Variants in ELP4 observed in about 807,000 individuals in gnomAD.
The protein encoded by ELP4 is elongator acetyltransferase complex subunit 4, also known as elongator complex protein 4.
In ELP4, 51 loss-of-function variants were observed where a neutral mutation model predicts 48.9. The observed-to-expected ratio is 1.04, with a 90% confidence interval of 0.83 to 1.32. The LOEUF is 1.32. ELP4 is among the 40% of genes most tolerant of loss of function. ELP4 has a pLI of 0.00. For missense variants in ELP4, 519 were observed against 514.6 expected (o/e 1.01, Z -0.08); for synonymous variants, 210 against 189.2 (o/e 1.11, Z -0.90).
intron 3 of ELP4, among the ~76,000 whole-genome samples, chr11:31,548,773 G>C (rs1473855629): frequency 6.3e-4 from 94 of 149,970 alleles, no homozygotes; most frequent in African/African-American, 2.3e-3. Flanking sequence ...GCATGGTACT[G>C]GTACCAAAAC....
chr11:31,513,379 CA>C (rs1269255720), intron 1 of ELP4, among the ~76,000 whole-genome samples: 1 of 152,014 alleles, frequency 6.6e-6, no homozygotes, highest in East Asian at 1.9e-4. Flanking sequence ...GAGTTGTTAT[CA>C]AAATAACTGC....
intron 5 of ELP4, among the ~76,000 whole-genome samples, chr11:31,623,354 AATAT>A (rs779632233): frequency 4.3e-4 from 4 of 9,242 alleles, no homozygotes; most frequent in African/African-American, 6.1e-4. Context: ...ATTTTCAGCA[AATAT>A]ATATATATAT....
intron 5 of ELP4, among the ~76,000 whole-genome samples, chr11:31,608,872 T>C (rs1262421687): frequency 2.6e-5 from 4 of 152,060 alleles, no homozygotes; most frequent in Non-Finnish European, 5.9e-5. Flanking sequence ...TGCTATCGAT[T>C]AGAAAAGAGA....
intron 3 of ELP4, among the ~76,000 whole-genome samples, chr11:31,568,900 C>T (rs560359883): frequency 6.6e-6 from 1 of 151,986 alleles, no homozygotes; most frequent in South Asian, 2.1e-4. Flanking sequence ...GCCTGGCCAA[C>T]ATGGTGAAAC....
intron 7 of ELP4, among the ~76,000 whole-genome samples, chr11:31,636,587 A>G (rs1243661120): frequency 6.6e-6 from 1 of 152,040 alleles, no homozygotes; most frequent in Admixed American, 6.6e-5. Context: ...TTGCAAAGAG[A>G]GGGAAAAGTT....
chr11:31,580,471 T>G (rs1161025248), intron 3 of ELP4, among the ~76,000 whole-genome samples: 3 of 152,188 alleles, frequency 2.0e-5, no homozygotes, highest in Non-Finnish European at 4.4e-5. Flanking sequence ...ATTTGACTTC[T>G]TATTTCTGTA....
intron 9 of ELP4, among the ~76,000 whole-genome samples, chr11:31,661,769 A>G (rs12419890): frequency 0.04 from 6,142 of 152,162 alleles, 341 homozygotes; most frequent in African/African-American, 0.1. Flanking sequence ...TTACGTAAGT[A>G]AAACAACCTT....
intron 9 of ELP4, among the ~76,000 whole-genome samples, chr11:31,745,792 A>G (rs1229055003): frequency 6.6e-6 from 1 of 152,238 alleles, no homozygotes; most frequent in Non-Finnish European, 1.5e-5. Context: ...AAAACCCTAG[A>G]AGAAAACCTA....
chr11:31,624,085 AC>A (rs899042272), intron 5 of ELP4, among the ~76,000 whole-genome samples: 3 of 151,910 alleles, frequency 2.0e-5, no homozygotes, highest in African/African-American at 7.2e-5. Flanking sequence ...ACAAAAAGGA[AC>A]CCTTGTATAC....
chr11:31,734,103 G>C (rs1038248879), intron 9 of ELP4, among the ~76,000 whole-genome samples: 2 of 152,206 alleles, frequency 1.3e-5, no homozygotes, highest in African/African-American at 4.8e-5. Flanking sequence ...TTAACAGATT[G>C]AGGGATGAAA....
rs754370657 is a variant in ELP4 at position 31,789,674 on chromosome 11, C to T, written c.*6150C>T. On this transcript the variant is annotated 3_prime_UTR_variant, in exon 10 of 10. Transcript: ENST00000640961. ...ATTATAACATACAAATGCCCATTTA[C>T]AAATAATACACCAAAATGAATAAAA... is the stretch of plus-strand genomic sequence containing the variant. 100 of 701,400 alleles carry T rather than the reference C, an allele frequency of 1.4e-4. 1 individual carries two copies. The South Asian group carries it at 1.5e-3, about 10-fold the overall frequency. 43.4% of individuals were successfully genotyped at this position (701,400 alleles called of 1,614,324 possible). A position where few individuals can be genotyped will look rare whatever the true frequency, so the allele number is the denominator to read the frequency against.
At chr11:31,605,843 T>C (rs1363805257) in intron 5 of ELP4, among the ~76,000 whole-genome samples, 2 of 152,136 alleles carry the variant, frequency 1.3e-5, no homozygotes, top group Non-Finnish European at 1.5e-5. Flanking sequence ...TTGTAAGCAA[T>C]TTCAGGTTAG....
At chr11:31,570,696 A>G (rs1165889343) in intron 3 of ELP4, among the ~76,000 whole-genome samples, 1 of 150,306 alleles carries the variant, frequency 6.7e-6, no homozygotes, top group East Asian at 2.0e-4. Context: ...CTGGTCTCGA[A>G]CTCCTGACCT....
At chr11:31,743,970 C>G (rs1457979620) in intron 9 of ELP4, among the ~76,000 whole-genome samples, 2 of 151,888 alleles carry the variant, frequency 1.3e-5, no homozygotes, top group African/African-American at 2.4e-5. Context: ...TTTTGAAAAG[C>G]TCAACAAAAT....
intron 9 of ELP4, among the ~76,000 whole-genome samples, chr11:31,759,711 C>CTTTTTT (rs371425015): frequency 7.0e-6 from 1 of 143,304 alleles, no homozygotes. Flanking sequence ...TTTCTTTTTT[C>CTTTTTT]TTTTTTTTTT....
intron 6 of ELP4, among the ~76,000 whole-genome samples, chr11:31,627,756 G>A (rs574694899): frequency 6.6e-6 from 1 of 152,130 alleles, no homozygotes; most frequent in East Asian, 1.9e-4. Context: ...AACAAAGTGA[G>A]GAAGATTTTA....
chr11:31,564,836 CAT>C (rs1240117070), intron 3 of ELP4, among the ~76,000 whole-genome samples: 9 of 151,992 alleles, frequency 5.9e-5, no homozygotes, highest in Admixed American at 4.6e-4. Flanking sequence ...CCACAATAAA[CAT>C]GTGTGCCTGT....
chr11:31,542,579 A>G (rs1010669541), intron 3 of ELP4, among the ~76,000 whole-genome samples: 17 of 152,198 alleles, frequency 1.1e-4, no homozygotes, highest in Admixed American at 8.5e-4. Context: ...GCATTGGTAA[A>G]GAGCAAAATT....
intron 5 of ELP4, among the ~76,000 whole-genome samples, chr11:31,606,647 T>C (rs897581504): frequency 6.6e-6 from 1 of 152,136 alleles, no homozygotes; most frequent in Non-Finnish European, 1.5e-5. Context: ...ATAGTTTTGT[T>C]TGGATATTTC....
Sources: gnomAD v4.1 joint callset for allele counts (sites outside exome capture counted in the v4.1 genomes callset) on GRCh38, gnomAD v4.1.1 for gene constraint, MANE v1.5 for transcripts, NCBI Gene and HGNC (gene_info 2026-07-23, HGNC 2026-07-21) for gene names.